The following CDK15 variants were observed in gnomAD, a reference collection of about 807,000 sequenced individuals.
CDK15 encodes cyclin-dependent kinase 15.
CDK15 carries 62 observed loss-of-function variants against 60.3 expected under a neutral mutation model. That is an observed-to-expected ratio of 1.03 (90% CI 0.84 to 1.27). CDK15 has a LOEUF of 1.27. CDK15 is among the 50% of genes most tolerant of loss of function. CDK15 has a pLI of 0.00. For synonymous variants in CDK15, 194 were observed against 195.7 expected, an observed-to-expected ratio of 0.99 and a Z score of 0.07; for missense variants, 541 against 527.8, an observed-to-expected ratio of 1.03 and a Z score of -0.25.
rs368742674 is a variant in CDK15 at position 201,872,257 on chromosome 2, C to T, written c.1010-21C>T. On this transcript the variant is annotated intron_variant, in intron 10 of 13. Coordinates refer to ENST00000652192, the MANE Select transcript of CDK15 (RefSeq NM_001366386.2). Reference sequence around the variant, plus strand: ...TTTTCGGGTGGATTTTATTTTTTAACGCCCTCTGTATGCTTCCCAGAATGG... The same window carrying T: ...TTTTCGGGTGGATTTTATTTTTTAATGCCCTCTGTATGCTTCCCAGAATGG... 1.5e-5 allele frequency: 25 copies of T among 1,613,468 alleles called. No individual in the cohort carries two copies. In the African/African-American group the frequency reaches 1.7e-4, roughly 11 times the overall value.
chr2:201,872,329 G>GAGTA lies in CDK15; in HGVS notation c.1058+4_1058+7dup. The GAGTA allele has an allele frequency of 6.2e-7, 1 of 1,613,794 alleles. No homozygotes were observed. Among genetic ancestry groups the GAGTA allele is most frequent in the African/African-American group, 1.3e-5 (1 of 75,000 alleles). On this transcript the variant is annotated splice_donor_region_variant and intron_variant, in intron 11 of 13. Coordinates refer to ENST00000652192, the MANE Select transcript of CDK15 (RefSeq NM_001366386.2). ...AGCCTTCATGTTGTCTGGAACAGGT[G>GAGTA]AGTACTACCTCAGGAAGGGATCTTT...
intron 8 of CDK15, among the ~76,000 whole-genome samples, chr2:201,844,456 T>C (rs1697550393): frequency 6.6e-6 from 1 of 152,102 alleles, no homozygotes; most frequent in South Asian, 2.1e-4. Flanking sequence ...ATTGTTTCAT[T>C]TACACCCTTA....
intron 10 of CDK15, among the ~76,000 whole-genome samples, chr2:201,860,330 A>C (rs1698336213): frequency 1.3e-5 from 2 of 152,248 alleles, no homozygotes; most frequent in Admixed American, 1.3e-4. Flanking sequence ...AGGATTTAGA[A>C]ATAACAGTGC....
At chr2:201,860,672 A>G in intron 10 of CDK15, 2 of 1,346,826 alleles carry the variant, frequency 1.5e-6, no homozygotes, top group South Asian at 1.2e-5. Flanking sequence ...CAGATGTACC[A>G]TAAGCGACAG....
chr2:201,842,851 G>A (rs1697460747), intron 8 of CDK15, among the ~76,000 whole-genome samples: 1 of 152,174 alleles, frequency 6.6e-6, no homozygotes, highest in South Asian at 2.1e-4. Context: ...ATGTCACAGG[G>A]TCTTTTCTCC....
At chr2:201,827,702 C>T (rs1374827887) in intron 6 of CDK15, among the ~76,000 whole-genome samples, 1 of 152,116 alleles carries the variant, frequency 6.6e-6, no homozygotes, top group Non-Finnish European at 1.5e-5. Flanking sequence ...AAACTCCCAG[C>T]CTCAAATTAT....
At chr2:201,871,386 T>A (rs1698846181) in intron 10 of CDK15, among the ~76,000 whole-genome samples, 1 of 151,914 alleles carries the variant, frequency 6.6e-6, no homozygotes, top group African/African-American at 2.4e-5. Flanking sequence ...TGGTCTCAAC[T>A]AATCCTCCAG....
chr2:201,879,934 GC>G, intron 11 of CDK15, 93 bp from the exon 12 acceptor site: 1 of 1,462,874 alleles, frequency 6.8e-7, no homozygotes, highest in Non-Finnish European at 9.1e-7. Flanking sequence ...TCTAAGTCTA[GC>G]CATCTCCTTT....
rs1699217117 is a variant in CDK15 at position 201,880,026 on chromosome 2, A to G, written c.1059-2A>G. 6.2e-7 allele frequency: 1 copy of G among 1,613,228 alleles called. No homozygotes were observed. The highest frequency in any genetic ancestry group is 8.5e-7 in the Non-Finnish European group (1 of 1,179,722). Reference sequence around the variant, plus strand: ...CTCTATTTTTCTCTCCCACTTTTCCAGGCTGGGCAGGGTTCCTGAAGCTGA... The same window carrying G: ...CTCTATTTTTCTCTCCCACTTTTCCGGGCTGGGCAGGGTTCCTGAAGCTGA... On this transcript the variant is annotated splice_acceptor_variant, in intron 11 of 13. Coordinates refer to ENST00000652192, the MANE Select transcript of CDK15 (RefSeq NM_001366386.2). LOFTEE classifies it high-confidence loss of function.
chr2:201,870,968 TG>T (rs1698831904), intron 10 of CDK15, among the ~76,000 whole-genome samples: 1 of 152,072 alleles, frequency 6.6e-6, no homozygotes, highest in East Asian at 1.9e-4. Flanking sequence ...CCTTTTAGGA[TG>T]GTTTTTGTTT....
At chr2:201,853,941 C>G (rs1339297890) in intron 9 of CDK15, among the ~76,000 whole-genome samples, 2 of 152,062 alleles carry the variant, frequency 1.3e-5, no homozygotes, top group Admixed American at 1.3e-4. Context: ...GTGGGCAGAT[C>G]ACGAGGTCAG....
intron 9 of CDK15, among the ~76,000 whole-genome samples, chr2:201,853,614 G>C (rs1156486163): frequency 6.6e-6 from 1 of 152,018 alleles, no homozygotes; most frequent in East Asian, 1.9e-4. Context: ...ATGCTTCTAA[G>C]AAAAGTTATA....
intron 10 of CDK15, among the ~76,000 whole-genome samples, chr2:201,869,880 A>G (rs1479257206): frequency 6.6e-6 from 1 of 152,262 alleles, no homozygotes; most frequent in Non-Finnish European, 1.5e-5. Flanking sequence ...GTAAATAGGC[A>G]GCAGAAAGTG....
chr2:201,881,769 C>T (rs1221324583), intron 12 of CDK15, among the ~76,000 whole-genome samples: 1 of 152,124 alleles, frequency 6.6e-6, no homozygotes, highest in Non-Finnish European at 1.5e-5. Context: ...TCCTCCCCGG[C>T]CACTCCCATC....
At chr2:201,815,025 T>C (rs1219219202) in intron 4 of CDK15, among the ~76,000 whole-genome samples, 1 of 151,694 alleles carries the variant, frequency 6.6e-6, no homozygotes, top group Admixed American at 6.6e-5. Context: ...AATCTTGGCT[T>C]ACTGCAACCT....
At chr2:201,889,539 C>G (rs1226149544) in intron 12 of CDK15, 1 of 525,022 alleles carries the variant, frequency 1.9e-6, no homozygotes, top group African/African-American at 2.1e-5. Context: ...AGATAAGCCC[C>G]TTGCAATGTC....
intron 6 of CDK15, among the ~76,000 whole-genome samples, chr2:201,830,290 C>G (rs1041008545): frequency 2.0e-5 from 3 of 152,086 alleles, no homozygotes; most frequent in Non-Finnish European, 4.4e-5. Context: ...ATAAAAAGAA[C>G]AGCCAGAGGG....
chr2:201,864,404 G>A (rs11889474), intron 10 of CDK15, among the ~76,000 whole-genome samples: 40,703 of 152,082 alleles, frequency 0.27, 6,385 homozygotes, highest in African/African-American at 0.42. Context: ...TGCAACCTCC[G>A]CCTCCAGGGT....
chr2:201,853,849 TA>T (rs1257153761), intron 9 of CDK15, among the ~76,000 whole-genome samples: 1 of 152,120 alleles, frequency 6.6e-6, no homozygotes, highest in Non-Finnish European at 1.5e-5. Context: ...ACATCTTAAC[TA>T]AAAACTGGGG....
Sources: gnomAD v4.1 joint callset for allele counts (sites outside exome capture counted in the v4.1 genomes callset) on GRCh38, gnomAD v4.1.1 for gene constraint, MANE v1.5 for transcripts, NCBI Gene and HGNC (gene_info 2026-07-23, HGNC 2026-07-21) for gene names.